The following CCR6 variants were observed in gnomAD, a reference collection of about 807,000 sequenced individuals.
CCR6 encodes the protein C-C chemokine receptor type 6.
Under a neutral mutation model 3.0 loss-of-function variants are expected in CCR6, and 2 were observed. That is an observed-to-expected ratio of 0.66 (90% CI 0.27 to 2.07). CCR6 has a LOEUF of 2.07. CCR6 is among the 30% of genes most tolerant of loss of function. The probability of loss-of-function intolerance (pLI) is 0.14; values close to 1 mark genes in which losing one functional copy is unlikely to be tolerated. For missense variants in CCR6, 322 were observed against 462.8 expected (o/e 0.70, Z 2.79); for synonymous variants, 193 against 184.3 (o/e 1.05, Z -0.38).
chr6:167,137,048 T>A lies in CCR6; in HGVS notation c.818T>A (p.Val273Asp). ...FLACQIPHNM[V>D]LLVTAANLGK... ...GCTTGTCAGATTCCTCATAACATGG[T>A]CCTGCTTGTGACGGCTGCAAATTTG... The change falls in exon 3 of 3, where the codon GTC becomes GAC. Residue 273 changes from valine to aspartate, a missense_variant. By Grantham distance (152) the Val-to-Asp change is radical (BLOSUM62 -3). Transcript: ENST00000341935. The surrounding 1 kb of genome is among the most constrained non-coding windows in gnomAD (Gnocchi z 4.6). The A allele has an allele frequency of 6.2e-7, 1 of 1,614,198 alleles. No homozygotes were observed. The highest frequency in any genetic ancestry group is 8.5e-7 in the Non-Finnish European group (1 of 1,180,044).
At chr6:167,122,829 C>G (rs572842840), upstream of CCR6, 1 of 152,460 alleles carries the variant, frequency 6.6e-6, no homozygotes, top group East Asian at 1.9e-4. This position sits in a 1 kb window ranked among gnomAD's most constrained non-coding sequence, Gnocchi z 4.2. Context: ...CAGGAGATAA[C>G]CAGGTAAAGG....
At chr6:167,119,667 T>C (rs911106558), upstream of CCR6, among the ~76,000 whole-genome samples, 2 of 152,224 alleles carry the variant, frequency 1.3e-5, no homozygotes, top group Non-Finnish European at 2.9e-5. Context: ...AACTCCAAAA[T>C]TCAAGGTGTC....
intron 1 of CCR6, among the ~76,000 whole-genome samples, chr6:167,130,979 C>A (rs866596622): frequency 1.8e-5 from 1 of 56,884 alleles, no homozygotes; most frequent in Admixed American, 2.1e-4. Context: ...TGGGACCACC[C>A]TCCCTCTGGA....
chr6:167,125,131 CAT>C (rs1406289901), intron 1 of CCR6, among the ~76,000 whole-genome samples: 18 of 152,332 alleles, frequency 1.2e-4, no homozygotes, highest in African/African-American at 4.1e-4. Context: ...CACACACACA[CAT>C]ACTCTTATTT....
intron 1 of CCR6, among the ~76,000 whole-genome samples, chr6:167,114,764 C>G (rs1781468613): frequency 6.6e-6 from 1 of 152,340 alleles, no homozygotes; most frequent in Admixed American, 6.5e-5. Context: ...TGGAAATTAG[C>G]ACTCTGAATC....
Position 167,136,934 on chromosome 6 carries a change from C to G in CCR6, c.704C>G (p.Thr235Arg). 2 of 1,614,164 alleles carry G rather than the reference C, an allele frequency of 1.2e-6. No homozygotes were observed. The highest frequency in any genetic ancestry group is 1.7e-6 in the Non-Finnish European group (2 of 1,180,040). ...IPLMFMIFCY[T>R]FIVKTLVQAQ... ...TTGATGTTCATGATATTTTGTTACA[C>G]GTTCATTGTCAAAACCTTGGTGCAA... Residue 235 changes from threonine (T) to arginine (R), a missense_variant, in exon 3 of 3, where the codon ACG (threonine) becomes AGG (arginine). Transcript: ENST00000341935. This position sits in a 1 kb window ranked among gnomAD's most constrained non-coding sequence, Gnocchi z 4.6.
chr6:167,133,854 A>C (rs1781805439), intron 1 of CCR6, among the ~76,000 whole-genome samples: 1 of 149,342 alleles, frequency 6.7e-6, no homozygotes, highest in South Asian at 2.1e-4. Flanking sequence ...ATTTTGTTAG[A>C]GCTATCCATA....
At position 167,136,700 on chromosome 6, in the gene CCR6, G is replaced by T. The variant is rs566661955; in HGVS notation, c.470G>T (p.Arg157Leu). The part of the protein sequence containing the change: ...IVQATKSFRL[R>L]SRTLPRSKII... ...CAGGCGACTAAGTCATTCCGGCTCCGATCCAGAACACTACCGCGCAGCAAA... is the reference window on the plus strand; with the variant it reads ...CAGGCGACTAAGTCATTCCGGCTCCTATCCAGAACACTACCGCGCAGCAAA... Residue 157 changes from arginine to leucine, a missense_variant, in exon 3 of 3, where the codon CGA becomes CTA. Coordinates refer to ENST00000341935, the MANE Select transcript of CCR6 (RefSeq NM_031409.4). This position sits in a 1 kb window ranked among gnomAD's most constrained non-coding sequence, Gnocchi z 4.6. The T allele has an allele frequency of 1.2e-6, 2 of 1,614,008 alleles. No individual in the cohort carries two copies. Among genetic ancestry groups the T allele is most frequent in the East Asian group, 2.2e-5 (1 of 44,894 alleles).
At chr6:167,117,072 G>A (rs1582990405) in intron 1 of CCR6, 1 of 152,244 alleles carries the variant, frequency 6.6e-6, no homozygotes, top group East Asian at 1.9e-4. Context: ...CTCCACTTCT[G>A]CGCTGTTCCT....
intron 1 of CCR6, among the ~76,000 whole-genome samples, chr6:167,125,791 T>C (rs990131860): frequency 6.6e-6 from 1 of 152,224 alleles, no homozygotes; most frequent in Non-Finnish European, 1.5e-5. Context: ...CTCTATTGCA[T>C]ATTGTACCTA....
intron 1 of CCR6, 81 bp downstream of exon 1, chr6:167,123,304 T>C (rs1781616679): frequency 6.5e-6 from 1 of 152,752 alleles, no homozygotes; most frequent in Non-Finnish European, 1.5e-5. Flanking sequence ...AATGGGACTG[T>C]TTTACTCATT....
rs1562559661 is a variant in CCR6 at position 167,130,989 on chromosome 6, A to ACTCCTCCCTCTGGGC, written c.-97-5048_-97-5047insTCCTCCCTCTGGGCC. Among the ~76,000 whole-genome samples the ACTCCTCCCTCTGGGC allele has an allele frequency of 1.9e-4, 23 of 121,318 alleles. 1 individual carries two copies. The highest frequency in any genetic ancestry group is 8.2e-4 in the African/African-American group (22 of 26,956). 79.6% of individuals were successfully genotyped at this position (121,318 alleles called of 152,430 possible). A position where few individuals can be genotyped will look rare whatever the true frequency, so the allele number is the denominator to read the frequency against. On this transcript the variant is annotated intron_variant, in intron 1 of 2. Transcript: ENST00000341935. Reference sequence around the variant, plus strand: ...CCCTCTGGGACCACCCTCCCTCTGGACCCCCTCCCTTTGGGACCCCTCCTT... The same window carrying ACTCCTCCCTCTGGGC: ...CCCTCTGGGACCACCCTCCCTCTGGACTCCTCCCTCTGGGCCCCCCTCCCTTTGGGACCCCTCCTT...
intron 1 of CCR6, among the ~76,000 whole-genome samples, chr6:167,135,242 A>C (rs1391383565): frequency 6.6e-6 from 1 of 152,210 alleles, no homozygotes; most frequent in Non-Finnish European, 1.5e-5. Context: ...ACCATTCTCC[A>C]AGAACCCTGA....
chr6:167,128,229 C>T (rs535799850), intron 1 of CCR6, among the ~76,000 whole-genome samples: 6 of 152,380 alleles, frequency 3.9e-5, no homozygotes, highest in South Asian at 2.1e-4. Context: ...TAAGGCAACA[C>T]GTACACAGGT....
chr6:167,126,419 G>C (rs1781669512), intron 1 of CCR6: 2 of 152,266 alleles, frequency 1.3e-5, no homozygotes, highest in South Asian at 2.1e-4. Flanking sequence ...GGGGAATGGA[G>C]GCACTTCAAG....
chr6:167,125,005 C>T (rs1224635683), intron 1 of CCR6, among the ~76,000 whole-genome samples: 2 of 152,094 alleles, frequency 1.3e-5, no homozygotes, highest in Non-Finnish European at 2.9e-5. Flanking sequence ...TACACACATG[C>T]ATACACATGC....
At chr6:167,120,273 T>C (rs1781566674), upstream of CCR6, among the ~76,000 whole-genome samples, 2 of 152,218 alleles carry the variant, frequency 1.3e-5, no homozygotes, top group Admixed American at 1.3e-4. Context: ...GGTGCACTGC[T>C]GCTGCCTGGT....
At chr6:167,116,357 C>T (rs1287876508) in intron 1 of CCR6, among the ~76,000 whole-genome samples, 1 of 152,230 alleles carries the variant, frequency 6.6e-6, no homozygotes, top group African/African-American at 2.4e-5. Flanking sequence ...CTCTCCAGCA[C>T]CCCCGACGCT....
At chr6:167,134,775 C>T (rs1474975065) in intron 1 of CCR6, among the ~76,000 whole-genome samples, 1 of 152,140 alleles carries the variant, frequency 6.6e-6, no homozygotes, top group Non-Finnish European at 1.5e-5. Context: ...GGAAGATGGG[C>T]GATTGGCTGG....
Sources: allele counts gnomAD v4.1 joint callset (sites outside exome capture counted in the v4.1 genomes callset), GRCh38; gene constraint gnomAD v4.1.1; non-coding constraint Gnocchi (gnomAD v3.1); transcripts MANE v1.5; gene names NCBI Gene and HGNC (gene_info 2026-07-23, HGNC 2026-07-21).